Variants in TMTC1 observed in about 807,000 individuals in gnomAD.
TMTC1 encodes protein O-mannosyl-transferase TMTC1.
TMTC1 carries 73 observed loss-of-function variants against 104.8 expected under a neutral mutation model. The observed-to-expected ratio is 0.70, with a 90% CI of 0.58 to 0.85. TMTC1 has a LOEUF of 0.85. TMTC1 is among the 40% of genes least tolerant of loss of function. TMTC1 has a pLI of 0.00. For missense variants in TMTC1, 1,035 were observed against 1,096.1 expected (o/e 0.94, Z 0.79); for synonymous variants, 434 against 428.7 (o/e 1.01, Z -0.15).
At chr12:29,575,015 A>G (rs1945783437) in intron 8 of TMTC1, among the ~76,000 whole-genome samples, 1 of 151,984 alleles carries the variant, frequency 6.6e-6, no homozygotes, top group Non-Finnish European at 1.5e-5. Flanking sequence ...TGATACCAAC[A>G]ATTTGAAGAT....
At chr12:29,613,425 G>C (rs1946897434) in intron 6 of TMTC1, among the ~76,000 whole-genome samples, 1 of 152,192 alleles carries the variant, frequency 6.6e-6, no homozygotes, top group African/African-American at 2.4e-5. Context: ...GAGACAGCCA[G>C]CTGCATAGGT....
At position 29,783,865 on chromosome 12, in the gene TMTC1, G is replaced by A; in HGVS notation, c.-114C>T. 2.0e-6 allele frequency: 2 copies of A among 998,918 alleles called. No homozygotes were observed. The highest frequency in any genetic ancestry group is 2.4e-6 in the Non-Finnish European group (2 of 826,222). 61.9% of individuals were successfully genotyped at this position (998,918 alleles called of 1,614,324 possible). On this transcript the variant is annotated 5_prime_UTR_variant, in exon 1 of 18. Transcript: ENST00000539277. The surrounding 1 kb of genome is among the most constrained non-coding windows in gnomAD (Gnocchi z 4.7). ...CGGAGGGGGGCTCGGGCATGGTGCT[G>A]CGGCAGCTGGACCCGCCGCGAGCTC... is the stretch of plus-strand genomic sequence containing the variant.
At position 29,501,782 on chromosome 12, in the gene TMTC1, A is replaced by G. The variant is rs1943600236; in HGVS notation, c.*5064T>C. 1.3e-5 allele frequency: 2 copies of G among 152,192 alleles called. No individual in the cohort carries two copies. Among genetic ancestry groups the G allele is most frequent in the African/African-American group, 2.4e-5 (1 of 41,448 alleles). The allele number at this position is 152,192 out of a possible 1,614,324, so 9.4% of individuals were successfully genotyped here. On this transcript the variant is annotated 3_prime_UTR_variant, in exon 18 of 18. Transcript: ENST00000539277. ...GCTGATTTTATGAGTTACAGGCCCT[A>G]AAGATTTTAATTGAAAAGATCAATT...
chr12:29,523,702 T>C (rs973013953), intron 11 of TMTC1, among the ~76,000 whole-genome samples: 6 of 152,132 alleles, frequency 3.9e-5, no homozygotes, highest in Admixed American at 3.9e-4. Flanking sequence ...TGTAAGATGG[T>C]TTTTTTAGGT....
At chr12:29,781,837 G>C (rs1943842264) in intron 1 of TMTC1, among the ~76,000 whole-genome samples, 1 of 151,674 alleles carries the variant, frequency 6.6e-6, no homozygotes, top group Non-Finnish European at 1.5e-5. Context: ...TCCCAAAAAA[G>C]AAAAAAAGAG....
At chr12:29,556,804 A>G in intron 10 of TMTC1, 53 bp downstream of exon 10, 1 of 1,608,686 alleles carries the variant, frequency 6.2e-7, no homozygotes, top group Non-Finnish European at 8.5e-7. Flanking sequence ...TGAGAAGGAA[A>G]GAGTTTCTTG....
At chr12:29,751,991 G>A (rs958436028) in intron 4 of TMTC1, 119 bp from the exon 5 acceptor site, 1 of 895,826 alleles carries the variant, frequency 1.1e-6, no homozygotes, top group Admixed American at 2.9e-5. Flanking sequence ...CCATTCTCAA[G>A]TCTTTAGCCC....
chr12:29,570,453 CA>C (rs879895699), intron 9 of TMTC1, among the ~76,000 whole-genome samples: 1 of 152,162 alleles, frequency 6.6e-6, no homozygotes, highest in Admixed American at 6.5e-5. Context: ...ACTTCTTCAA[CA>C]AAAAGCTTTG....
chr12:29,575,783 A>C (rs188170515), intron 8 of TMTC1, among the ~76,000 whole-genome samples: 4 of 152,292 alleles, frequency 2.6e-5, no homozygotes, highest in African/African-American at 9.6e-5. Context: ...GCTGGATCAC[A>C]TGGTAATTCT....
At chr12:29,733,525 C>G (rs1225110616) in intron 5 of TMTC1, among the ~76,000 whole-genome samples, 1 of 152,176 alleles carries the variant, frequency 6.6e-6, no homozygotes, top group East Asian at 1.9e-4. Context: ...AGCTGACAGC[C>G]ATTTTAGTGA....
Position 29,783,822 on chromosome 12 carries a change from C to G in TMTC1, c.-71G>C. ...GCATCCTCCCCTACCGGGGCCCCGGCGGCGCGCGGCGTCTGCCCGGAGGGG... is the reference window on the plus strand; with the variant it reads ...GCATCCTCCCCTACCGGGGCCCCGGGGGCGCGCGGCGTCTGCCCGGAGGGG... On this transcript the variant is annotated 5_prime_UTR_variant, in exon 1 of 18. Transcript: ENST00000539277. This position sits in a 1 kb window ranked among gnomAD's most constrained non-coding sequence, Gnocchi z 4.7. The G allele has an allele frequency of 9.1e-7, 1 of 1,098,404 alleles. No individual in the cohort carries two copies. The highest frequency in any genetic ancestry group is 1.1e-6 in the Non-Finnish European group (1 of 903,766). 68.0% of individuals were successfully genotyped at this position (1,098,404 alleles called of 1,614,324 possible).
intron 7 of TMTC1, among the ~76,000 whole-genome samples, chr12:29,585,997 G>C (rs551297201): frequency 1.8e-3 from 271 of 152,192 alleles, no homozygotes; most frequent in African/African-American, 6.2e-3. Flanking sequence ...TAGCTTGATG[G>C]GGATGGCATT....
At chr12:29,670,844 T>C (rs1274755682) in intron 5 of TMTC1, among the ~76,000 whole-genome samples, 1 of 148,756 alleles carries the variant, frequency 6.7e-6, no homozygotes, top group Non-Finnish European at 1.5e-5. Flanking sequence ...GGTGGGAGGA[T>C]TGCTTGAGCC....
At chr12:29,583,352 T>C in intron 8 of TMTC1, 55 bp downstream of exon 8, 1 of 1,553,538 alleles carries the variant, frequency 6.4e-7, no homozygotes, top group East Asian at 2.3e-5. Flanking sequence ...TTGGAAACAA[T>C]TTGTAAGCAA....
At chr12:29,524,817 A>ACTTATGCCAGCTTATG (rs1944289441) in intron 11 of TMTC1, among the ~76,000 whole-genome samples, 2 of 152,222 alleles carry the variant, frequency 1.3e-5, no homozygotes, top group Non-Finnish European at 2.9e-5. Flanking sequence ...CTGTCAATGT[A>ACTTATGCCAGCTTATG]TAATGCTGGC....
chr12:29,703,575 A>T (rs1484356936), intron 5 of TMTC1, among the ~76,000 whole-genome samples: 1 of 152,198 alleles, frequency 6.6e-6, no homozygotes, highest in Non-Finnish European at 1.5e-5. Flanking sequence ...GGATTAAATT[A>T]TGCTTAATGC....
chr12:29,635,465 G>A (rs1938504031), intron 5 of TMTC1, among the ~76,000 whole-genome samples: 1 of 152,126 alleles, frequency 6.6e-6, no homozygotes, highest in African/African-American at 2.4e-5. Context: ...AACTATTATT[G>A]CCTTTTTGAG....
At chr12:29,685,499 A>C (rs904561947) in intron 5 of TMTC1, among the ~76,000 whole-genome samples, 2 of 152,176 alleles carry the variant, frequency 1.3e-5, no homozygotes, top group African/African-American at 4.8e-5. Flanking sequence ...GCTTAAAAAG[A>C]CAAAACATAA....
intron 5 of TMTC1, among the ~76,000 whole-genome samples, chr12:29,688,091 G>T (rs999055146): frequency 6.6e-6 from 1 of 152,068 alleles, no homozygotes; most frequent in Non-Finnish European, 1.5e-5. Flanking sequence ...ATTCAAAAGA[G>T]CCCCCAGTCA....
Sources: gnomAD v4.1 joint callset for allele counts (sites outside exome capture counted in the v4.1 genomes callset) on GRCh38, gnomAD v4.1.1 for gene constraint, Gnocchi (gnomAD v3.1) non-coding constraint, MANE v1.5 for transcripts, NCBI Gene and HGNC (gene_info 2026-07-23, HGNC 2026-07-21) for gene names.